Variants in UMOD observed in about 807,000 individuals in gnomAD.
UMOD encodes uromodulin, also known as Tamm-Horsfall urinary glycoprotein.
In UMOD, 64 loss-of-function variants were observed where a neutral mutation model predicts 66.0. That is an observed-to-expected ratio of 0.97 (90% confidence interval 0.79 to 1.19). UMOD has a LOEUF of 1.19. Among genes scored for constraint, UMOD ranks in the 50% most tolerant of loss-of-function variants. The pLI, the probability that UMOD is intolerant of heterozygous loss-of-function variation, is 0.00. For missense variants in UMOD, 764 were observed against 850.9 expected (o/e 0.90, Z 1.27); for synonymous variants, 398 against 352.7 (o/e 1.13, Z -1.44).
upstream of UMOD, among the ~76,000 whole-genome samples, chr16:20,355,917 G>A (rs7204342): frequency 5.9e-5 from 9 of 152,016 alleles, no homozygotes; most frequent in Non-Finnish European, 8.8e-5. Flanking sequence ...CACAGCTAGC[G>A]AGTGTTAAAT....
chr16:20,336,818 C>G, intron 8 of UMOD, 91 bp from the exon 9 acceptor site: 1 of 1,154,674 alleles, frequency 8.7e-7, no homozygotes, highest in South Asian at 1.3e-5. Flanking sequence ...CTCACAGGTG[C>G]CTTCCCTTGC....
At chr16:20,351,950 A>G (rs947606020) in intron 1 of UMOD, among the ~76,000 whole-genome samples, 3 of 150,850 alleles carry the variant, frequency 2.0e-5, no homozygotes, top group South Asian at 2.1e-4. Context: ...CCTGGGAGGC[A>G]GAGGTTGCAG....
chr16:20,342,265 T>C (rs943519663), intron 6 of UMOD: 2 of 152,228 alleles, frequency 1.3e-5, no homozygotes, highest in Non-Finnish European at 2.9e-5. Flanking sequence ...GGTGGGAGGA[T>C]TGCTTGAGAC....
intron 4 of UMOD, among the ~76,000 whole-genome samples, chr16:20,347,882 T>C (rs1191818946): frequency 6.6e-6 from 1 of 152,180 alleles, no homozygotes; most frequent in East Asian, 1.9e-4. Flanking sequence ...GGGCCGGGCT[T>C]GTGTTCTGGT....
At chr16:20,352,506 G>A (rs1965947873) in intron 1 of UMOD, 183 bp downstream of exon 1, 2 of 409,730 alleles carry the variant, frequency 4.9e-6, no homozygotes, top group African/African-American at 2.1e-5. Context: ...ATTGTTACTA[G>A]GACAGAGAGG....
chr16:20,351,707 C>A (rs528053267), intron 1 of UMOD, among the ~76,000 whole-genome samples: 5 of 151,946 alleles, frequency 3.3e-5, no homozygotes, highest in Non-Finnish European at 7.4e-5. Context: ...ATCTTCGTGA[C>A]CATGATGTAC....
At chr16:20,335,413 A>G (rs1206206452) in intron 10 of UMOD, 69 bp downstream of exon 10, 4 of 1,504,458 alleles carry the variant, frequency 2.7e-6, no homozygotes, top group Non-Finnish European at 3.7e-6. Flanking sequence ...AAGCATTACA[A>G]GTTAACAGAT....
rs751468565 is a variant in UMOD at position 20,344,118 on chromosome 16, T to G, written c.1237A>C (p.Ile413Leu). ...ATTTTGATGTTGAGGTCACGGATGATGATCTCATCTGCCAGGTAGAGGGTG... is the reference window on the plus strand; with the variant it reads ...ATTTTGATGTTGAGGTCACGGATGAGGATCTCATCTGCCAGGTAGAGGGTG... Reference protein sequence around the residue: ...SNTLYLADEIIIRDLNIKINF... With the variant: ...SNTLYLADEILIRDLNIKINF... Residue 413 changes from isoleucine (I) to leucine (L), a missense_variant, in exon 6 of 11, where the codon ATC becomes CTC. Transcript: ENST00000396138. 6.2e-7 allele frequency: 1 copy of G among 1,612,488 alleles called. No homozygotes were observed. Among genetic ancestry groups the G allele is most frequent in the Non-Finnish European group, 8.5e-7 (1 of 1,179,846 alleles).
At position 20,341,223 on chromosome 16, in the gene UMOD, T is replaced by A. The variant is rs1965196355; in HGVS notation, c.1445A>T (p.Glu482Val). ...YQGSSVTLST[E>V]AFLYVGTMLD... ...CATGGTGCCCACGTAGAGAAAAGCC[T>A]CAGTGGACAGTGTCACGGAGGAGCC... is the stretch of plus-strand genomic sequence containing the variant. Residue 482 changes from glutamate to valine, a missense_variant, in exon 7 of 11, where the codon GAG (glutamate) becomes GTG (valine). By Grantham distance (121) the Glu-to-Val change is moderately radical. Coordinates refer to ENST00000396138, the MANE Select transcript of UMOD (RefSeq NM_003361.4). 1.2e-6 allele frequency: 2 copies of A among 1,613,880 alleles called. No homozygotes were observed. Among genetic ancestry groups the A allele is most frequent in the Non-Finnish European group, 1.7e-6 (2 of 1,180,018 alleles).
chr16:20,333,324 G>T lies in UMOD; in HGVS notation c.1913C>A (p.Thr638Asn). The stretch of plus-strand genomic sequence containing the variant: ...GCTTTCCGCTGTCAGTCACTGAAAA[G>T]TCAGGGTCAAGGTGGCCGAGAGAAG... ...PLLLSATLTLTFQ is the reference protein window; with the variant it reads ...PLLLSATLTLNFQ Residue 638 changes from threonine (T) to asparagine (N), a missense_variant, in exon 11 of 11, where the codon ACT (threonine) becomes AAT (asparagine). Physicochemically the swap from Thr to Asn is moderately conservative, Grantham distance 65. Transcript: ENST00000396138. 1 of 1,613,242 alleles carries T rather than the reference G, an allele frequency of 6.2e-7. No individual in the cohort carries two copies. The highest frequency in any genetic ancestry group is 8.5e-7 in the Non-Finnish European group (1 of 1,179,744).
intron 6 of UMOD, among the ~76,000 whole-genome samples, chr16:20,343,198 T>C (rs1965340008): frequency 6.6e-6 from 1 of 152,030 alleles, no homozygotes; most frequent in South Asian, 2.1e-4. Flanking sequence ...TAATTTTCCA[T>C]CATTGGCCTG....
chr16:20,344,037 G>A lies in UMOD; in HGVS notation c.1318C>T (p.Gln440Ter). 6.2e-7 allele frequency: 1 copy of A among 1,613,824 alleles called. No individual in the cohort carries two copies. ...DMKVSLKTAL[Q>*]PMVSALNIRV... is the part of the protein sequence containing the mutation. ...CTCTGGCCACACCTGACCATTGGCT[G>A]TAGGGCGGTCTTCAGGCTGACTTTC... The change falls in exon 6 of 11, where the codon CAG becomes TAG. Residue 440 changes from glutamine (Q) to a stop codon, truncating the protein, a stop_gained. Transcript: ENST00000396138. LOFTEE classifies it high-confidence loss of function.
chr16:20,341,011 A>AATT, intron 7 of UMOD, 80 bp downstream of exon 7: 1 of 1,114,300 alleles, frequency 9.0e-7, no homozygotes, highest in Non-Finnish European at 1.3e-6. Flanking sequence ...AAAAAAAAAG[A>AATT]TGCAATTTTC....
chr16:20,351,745 G>A (rs1359554356), intron 1 of UMOD, among the ~76,000 whole-genome samples: 4 of 152,150 alleles, frequency 2.6e-5, no homozygotes, highest in African/African-American at 9.7e-5. Context: ...ATGTTGCCAG[G>A]TGCAGTGGCT....
intron 6 of UMOD, 93 bp downstream of exon 6, chr16:20,343,931 C>T: frequency 1.3e-6 from 2 of 1,496,016 alleles, no homozygotes; most frequent in Non-Finnish European, 1.8e-6. Context: ...TCACTCCCAG[C>T]TCCCTGTGGG....
chr16:20,350,821 G>C lies in UMOD; in HGVS notation c.-84C>G, dbSNP rs144298922. The C allele has an allele frequency of 5.0e-6, 8 of 1,586,018 alleles. No homozygotes were observed. Among genetic ancestry groups the C allele is most frequent in the Non-Finnish European group, 6.9e-6 (8 of 1,166,504 alleles). On this transcript the variant is annotated 5_prime_UTR_variant, in exon 2 of 11. Transcript: ENST00000396138. ...GTTGGCCCTTTGAATTTTTCTCTCTGTCTCTGATGTCTGGTGTCCTGTGAA... is the reference window on the plus strand; with the variant it reads ...GTTGGCCCTTTGAATTTTTCTCTCTCTCTCTGATGTCTGGTGTCCTGTGAA...
intron 4 of UMOD, 149 bp downstream of exon 4, chr16:20,348,074 G>A: frequency 1.3e-6 from 1 of 765,820 alleles, no homozygotes; most frequent in Non-Finnish European, 2.3e-6. Flanking sequence ...GCTTTAATGG[G>A]TATTAGTGGA....
At chr16:20,344,921 C>T (rs1388131416) in intron 5 of UMOD, among the ~76,000 whole-genome samples, 1 of 152,210 alleles carries the variant, frequency 6.6e-6, no homozygotes, top group Non-Finnish European at 1.5e-5. Flanking sequence ...TTCAGCACCC[C>T]GTGCTTCCTC....
At position 20,348,424 on chromosome 16, in the gene UMOD, A is replaced by T; in HGVS notation, c.865+12T>A. ...GGCCTGGGATGAGGACTGTGGGGAGACTCCGGCTGACCTGTGCAGTACGCC... is the reference window on the plus strand; with the variant it reads ...GGCCTGGGATGAGGACTGTGGGGAGTCTCCGGCTGACCTGTGCAGTACGCC... On this transcript the variant is annotated intron_variant, in intron 3 of 10. Coordinates refer to ENST00000396138, the MANE Select transcript of UMOD (RefSeq NM_003361.4). 1 of 1,613,530 alleles carries T rather than the reference A, an allele frequency of 6.2e-7. No individual in the cohort carries two copies. Among genetic ancestry groups the T allele is most frequent in the Non-Finnish European group, 8.5e-7 (1 of 1,179,920 alleles).
Sources: gnomAD v4.1 joint callset for allele counts (sites outside exome capture counted in the v4.1 genomes callset) on GRCh38, gnomAD v4.1.1 for gene constraint, MANE v1.5 for transcripts, NCBI Gene and HGNC (gene_info 2026-07-23, HGNC 2026-07-21) for gene names.